The following RBM19 variants were observed in gnomAD, a reference collection of about 807,000 sequenced individuals.
RBM19 encodes the protein RNA binding motif protein 19.
A neutral mutation model predicts 116.8 loss-of-function variants in RBM19; 94 were observed. The ratio of observed to expected loss-of-function variants is 0.80; its 90% confidence interval spans 0.68 to 0.95. RBM19 has a LOEUF of 0.95. Among genes scored for constraint, RBM19 ranks in the 40% least tolerant of loss-of-function variants. The pLI, the probability that RBM19 is intolerant of heterozygous loss-of-function variation, is 0.00. For synonymous variants in RBM19, 475 were observed against 494.1 expected (o/e 0.96, Z 0.51); for missense variants, 1,161 against 1,220.7 (o/e 0.95, Z 0.73).
chr12:113,927,598 A>AC (rs1869211247), intron 16 of RBM19, among the ~76,000 whole-genome samples: 1 of 92,080 alleles, frequency 1.1e-5, no homozygotes, highest in African/African-American at 4.4e-5. Flanking sequence ...AAACAAAAAA[A>AC]AAAAAACAAA....
At chr12:113,869,674 C>A (rs1419899422) in intron 21 of RBM19, among the ~76,000 whole-genome samples, 1 of 152,076 alleles carries the variant, frequency 6.6e-6, no homozygotes, top group African/African-American at 2.4e-5. Context: ...TGTCGTTATC[C>A]TCAGTACACG....
chr12:113,854,688 C>A (rs1291037765), intron 22 of RBM19, among the ~76,000 whole-genome samples: 1 of 152,178 alleles, frequency 6.6e-6, no homozygotes, highest in Non-Finnish European at 1.5e-5. Flanking sequence ...GTCACCAGGG[C>A]CCGTGATGAG....
chr12:113,856,940 C>T (rs149412147), intron 22 of RBM19, among the ~76,000 whole-genome samples: 14 of 152,308 alleles, frequency 9.2e-5, no homozygotes, highest in Non-Finnish European at 1.8e-4. Context: ...CAAGGTCACA[C>T]GGGAGATTTG....
At position 113,935,257 on chromosome 12, in the gene RBM19, G is replaced by A. The variant is rs191576606; in HGVS notation, c.2068+1750C>T. On this transcript the variant is annotated intron_variant, in intron 16 of 23. Coordinates refer to ENST00000261741, the MANE Select transcript of RBM19 (RefSeq NM_016196.4). ...CCTCCACCAATTTGTTTTCAGTGCC[G>A]CTCAGCCCTGGCTGATCTCTGCGTT... Among the ~76,000 whole-genome samples, 29 of 151,954 alleles carry A rather than the reference G, an allele frequency of 1.9e-4. 1 individual carries two copies. The East Asian group carries it at 3.5e-3, about 18-fold the overall frequency.
rs111793277 is a variant in RBM19, at chr12:113,823,075, CCT to C, written c.*147_*148del. The C allele has an allele frequency of 5.9e-4, 404 of 690,298 alleles. 1 individual carries two copies. The highest frequency in any genetic ancestry group is 4.5e-3 in the Middle Eastern group (11 of 2,438). The allele number at this position is 690,298 out of a possible 1,614,324, so 42.8% of individuals were successfully genotyped here. On this transcript the variant is annotated 3_prime_UTR_variant, in exon 24 of 24. Transcript: ENST00000261741. ...CAGTGGCCTGAGGCCTTCCTCATCC[CCT>C]GTCTCCTCCGACCTTGGACCAGTGC...
chr12:113,856,887 C>T (rs765851260), intron 22 of RBM19, among the ~76,000 whole-genome samples: 12 of 152,126 alleles, frequency 7.9e-5, no homozygotes, highest in Admixed American at 5.2e-4. Context: ...GACCATTTTA[C>T]GAGGGGAGGA....
chr12:113,945,969 G>A (rs376505983), intron 12 of RBM19, 45 bp from the exon 13 acceptor site: 3 of 1,482,806 alleles, frequency 2.0e-6, no homozygotes, highest in African/African-American at 2.8e-5. Flanking sequence ...GCAGCTGGAT[G>A]AGGGGAACTC....
At chr12:113,962,475 A>G in intron 1 of RBM19, 61 bp from the exon 2 acceptor site, 1 of 1,517,952 alleles carries the variant, frequency 6.6e-7, no homozygotes, top group Non-Finnish European at 9.1e-7. Context: ...AGGGGACAAA[A>G]TGGGCTGGAA....
At chr12:113,844,604 C>T in intron 23 of RBM19, 64 bp downstream of exon 23, 1 of 1,543,586 alleles carries the variant, frequency 6.5e-7, no homozygotes, top group Non-Finnish European at 8.8e-7. Context: ...CTCAGATGTC[C>T]CACCCACCTC....
intron 21 of RBM19, among the ~76,000 whole-genome samples, chr12:113,861,802 C>T (rs77940839): frequency 6.6e-6 from 1 of 152,174 alleles, no homozygotes; most frequent in African/African-American, 2.4e-5. Context: ...CAGAAGGGCA[C>T]CCTGGATCTA....
intron 19 of RBM19, among the ~76,000 whole-genome samples, chr12:113,920,332 C>T (rs985267846): frequency 6.6e-6 from 1 of 152,198 alleles, no homozygotes; most frequent in African/African-American, 2.4e-5. Flanking sequence ...GAGGGGCCCA[C>T]GTGAGCAACC....
chr12:113,913,212 A>C (rs766750429), intron 21 of RBM19, among the ~76,000 whole-genome samples: 3 of 152,228 alleles, frequency 2.0e-5, no homozygotes, highest in South Asian at 4.1e-4. Flanking sequence ...TTTCCCGATC[A>C]ACATGCGCTC....
chr12:113,920,901 G>C (rs1366515795), intron 18 of RBM19, among the ~76,000 whole-genome samples: 1 of 152,040 alleles, frequency 6.6e-6, no homozygotes, highest in East Asian at 1.9e-4. Flanking sequence ...TGCCACCTGA[G>C]GCCCATTTGA....
Position 113,888,370 on chromosome 12 carries a change from C to A in RBM19, c.2558+26599G>T, listed in dbSNP as rs373348054. On this transcript the variant is annotated intron_variant, in intron 21 of 23. Transcript: ENST00000261741. ...TTTGCAACCACTTTGTAGATTTCAGCCCAAATCTCGACTGGCTTTAAACCT... is the reference window on the plus strand; with the variant it reads ...TTTGCAACCACTTTGTAGATTTCAGACCAAATCTCGACTGGCTTTAAACCT... Among the ~76,000 whole-genome samples the A allele has an allele frequency of 2.6e-5, 4 of 152,276 alleles. No homozygotes were observed. The South Asian group carries it at 8.3e-4, about 32-fold the overall frequency.
At chr12:113,902,155 A>G (rs1232477741) in intron 21 of RBM19, among the ~76,000 whole-genome samples, 1 of 152,186 alleles carries the variant, frequency 6.6e-6, no homozygotes, top group African/African-American at 2.4e-5. Flanking sequence ...GCATGTATGT[A>G]TTGAGTTCCA....
chr12:113,862,292 C>G (rs1329698408), intron 21 of RBM19, among the ~76,000 whole-genome samples: 1 of 152,180 alleles, frequency 6.6e-6, no homozygotes, highest in Non-Finnish European at 1.5e-5. Flanking sequence ...CTCATGGCCC[C>G]AGGAACTCAA....
At position 113,959,866 on chromosome 12, in the gene RBM19, T is replaced by C. The variant is rs754350213; in HGVS notation, c.377A>G (p.Lys126Arg). 1 of 1,614,180 alleles carries C rather than the reference T, an allele frequency of 6.2e-7. No individual in the cohort carries two copies. The highest frequency in any genetic ancestry group is 8.5e-7 in the Non-Finnish European group (1 of 1,180,020). ...CCTTGGGCAACAGGACAGACTCACC[T>C]TCTCCAGTTGACCTGCCACCTTTTT... ...KKKKVAGQLEKLKEDTEFQEF... is the reference protein window; with the variant it reads ...KKKKVAGQLERLKEDTEFQEF... The change falls in exon 4 of 24, where the codon AAG becomes AGG. Residue 126 changes from lysine (K) to arginine (R), a missense_variant and splice_region_variant. Coordinates refer to ENST00000261741, the MANE Select transcript of RBM19 (RefSeq NM_016196.4).
At chr12:113,880,789 T>C (rs1440856003) in intron 21 of RBM19, among the ~76,000 whole-genome samples, 1 of 152,214 alleles carries the variant, frequency 6.6e-6, no homozygotes, top group Admixed American at 6.5e-5. Context: ...TTTTCCCACC[T>C]GTACCTTAGC....
intron 21 of RBM19, among the ~76,000 whole-genome samples, chr12:113,894,499 G>T (rs1488193789): frequency 1.3e-5 from 2 of 152,168 alleles, no homozygotes; most frequent in African/African-American, 4.8e-5. Context: ...AGAGTTAGCA[G>T]GCACAGTGCC....
Sources: gnomAD v4.1 joint callset for allele counts (sites outside exome capture counted in the v4.1 genomes callset) on GRCh38, gnomAD v4.1.1 for gene constraint, MANE v1.5 for transcripts, NCBI Gene and HGNC (gene_info 2026-07-23, HGNC 2026-07-21) for gene names.